Variants in KIAA2012 observed in about 807,000 individuals in gnomAD.
KIAA2012 encodes the protein KIAA2012.
Under a neutral mutation model 150.6 loss-of-function variants are expected in KIAA2012, and 125 were observed. That is an observed-to-expected ratio of 0.83 (90% confidence interval 0.72 to 0.96). The LOEUF (loss-of-function observed/expected upper bound fraction) is 0.96, where lower values mean the gene tolerates loss of function less well. Among genes scored for constraint, KIAA2012 ranks in the 40% least tolerant of loss-of-function variants. The pLI is 0.00. For synonymous variants in KIAA2012, 462 were observed against 504.7 expected, an observed-to-expected ratio of 0.92 and a Z score of 1.13; for missense variants, 1,219 against 1,354.9, an observed-to-expected ratio of 0.90 and a Z score of 1.57.
At chr2:202,164,124 A>G (rs1042982408) in intron 14 of KIAA2012, among the ~76,000 whole-genome samples, 1 of 152,094 alleles carries the variant, frequency 6.6e-6, no homozygotes, top group African/African-American at 2.4e-5. Flanking sequence ...CCTTCATGCC[A>G]GATTCCAGCT....
rs1386050665 is a variant in KIAA2012, at chr2:202,105,860, TAAC to T, written c.1426_1428del (p.Thr476del). 3.9e-6 allele frequency: 6 copies of T among 1,550,748 alleles called. No individual in the cohort carries two copies. The South Asian group carries it at 7.1e-5, about 18-fold the overall frequency. On this transcript the variant is annotated inframe_deletion, in exon 9 of 24. Coordinates refer to ENST00000498697, the MANE Select transcript of KIAA2012 (RefSeq NM_001277372.4). Reference sequence around the variant, plus strand: ...GCGTCCTTAGAAACACCATGGGAGTTAACAGTGCATCTCCCAGTGGACGCGAGC... The same window carrying T: ...GCGTCCTTAGAAACACCATGGGAGTTAGTGCATCTCCCAGTGGACGCGAGC...
intron 14 of KIAA2012, among the ~76,000 whole-genome samples, chr2:202,161,167 T>C (rs1488338574): frequency 6.6e-6 from 1 of 152,170 alleles, no homozygotes; most frequent in Non-Finnish European, 1.5e-5. Context: ...AGTGTAGTAG[T>C]TAGGACTTGA....
intron 15 of KIAA2012, among the ~76,000 whole-genome samples, chr2:202,180,256 A>G (rs1165912639): frequency 7.0e-6 from 1 of 142,106 alleles, no homozygotes; most frequent in Non-Finnish European, 1.5e-5. Context: ...AGGCCAAAAG[A>G]GTGAAACTCC....
In KIAA2012 at chr2:202,147,802, TTG is replaced by T. The variant is rs1691332268; in HGVS notation, c.1909-6868_1909-6867del. 3.3e-5 allele frequency among the ~76,000 whole-genome samples: 5 copies of T among 152,260 alleles called. No homozygotes were observed. In the South Asian group the frequency reaches 1.0e-3, roughly 32 times the overall value. On this transcript the variant is annotated intron_variant, in intron 13 of 23. Coordinates refer to ENST00000498697, the MANE Select transcript of KIAA2012 (RefSeq NM_001277372.4). Reference sequence around the variant, plus strand: ...GAAGTCACACAGTTTTGAGTTCAAGTTGTGAGTTAGAAGGAGCTGGGGAGTTG... The same window carrying T: ...GAAGTCACACAGTTTTGAGTTCAAGTTGAGTTAGAAGGAGCTGGGGAGTTG...
At chr2:202,201,442 C>T (rs1292988703) in intron 22 of KIAA2012, 3 of 1,594,324 alleles carry the variant, frequency 1.9e-6, no homozygotes, top group Non-Finnish European at 2.6e-6. Flanking sequence ...CACTGAGTTA[C>T]GAGGACATTG....
At position 202,099,664 on chromosome 2, in the gene KIAA2012, A is replaced by C. The variant is rs755433756; in HGVS notation, c.880A>C (p.Asn294His). The C allele has an allele frequency of 1.9e-4, 301 of 1,550,368 alleles. No homozygotes were observed. The highest frequency in any genetic ancestry group is 2.4e-4 in the Non-Finnish European group (275 of 1,146,922). ...LCLYASKESY[N>H]EKTQQTSRKA... ...TTTATATGCTTCAAAGGAGAGCTAC[A>C]ATGAAAAGACACAGCAAACCTCCAG... The change falls in exon 6 of 24, where the codon AAT becomes CAT. Residue 294 changes from asparagine to histidine, a missense_variant. Transcript: ENST00000498697.
At chr2:202,098,303 T>C (rs999027626) in intron 5 of KIAA2012, among the ~76,000 whole-genome samples, 1 of 152,216 alleles carries the variant, frequency 6.6e-6, no homozygotes, top group Non-Finnish European at 1.5e-5. Flanking sequence ...GAGGTTGTAG[T>C]AAGCCAAGAT....
At chr2:202,196,360 A>G (rs1260777258) in intron 21 of KIAA2012, among the ~76,000 whole-genome samples, 1 of 151,300 alleles carries the variant, frequency 6.6e-6, no homozygotes, top group Non-Finnish European at 1.5e-5. Flanking sequence ...ACGCCCCGCT[A>G]ATTTTTTTGT....
In KIAA2012 at chr2:202,192,187, A is replaced by G. The variant is rs574879917; in HGVS notation, c.2812-1114A>G. 4.6e-5 allele frequency among the ~76,000 whole-genome samples: 7 copies of G among 152,270 alleles called. No individual in the cohort carries two copies. The East Asian group carries it at 7.7e-4, about 17-fold the overall frequency. On this transcript the variant is annotated intron_variant, in intron 19 of 23. Coordinates refer to ENST00000498697, the MANE Select transcript of KIAA2012 (RefSeq NM_001277372.4). ...TCAGCATTTCTTAGATTTATTGTCA[A>G]TCCATAATACTATGCTGCCTCTGCA...
In KIAA2012 at chr2:202,074,873, G is replaced by A; in HGVS notation, c.85-18G>A. ...TCTTCCACAGTGGCTCCGTCAAAGT[G>A]GCTGCTTCTCATTGCAGGATTACTT... On this transcript the variant is annotated intron_variant, in intron 1 of 23. Transcript: ENST00000498697. 1 of 1,532,084 alleles carries A rather than the reference G, an allele frequency of 6.5e-7. No homozygotes were observed. The highest frequency in any genetic ancestry group is 8.8e-7 in the Non-Finnish European group (1 of 1,140,330). The allele number at this position is 1,532,084 out of a possible 1,614,324, so 94.9% of individuals were successfully genotyped here.
chr2:202,196,759 AAATG>A, intron 21 of KIAA2012, 37 bp from the exon 22 acceptor site: 1 of 1,524,378 alleles, frequency 6.6e-7, no homozygotes, highest in Non-Finnish European at 8.8e-7. Context: ...TTTTCCCTAA[AAATG>A]ATCCCTGCTG....
intron 2 of KIAA2012, 144 bp downstream of exon 2, chr2:202,075,319 A>T: frequency 1.3e-5 from 12 of 958,810 alleles, no homozygotes; most frequent in South Asian, 3.6e-5. Flanking sequence ...AATGAGATTG[A>T]CTGTACTCTT....
chr2:202,118,599 TC>T (rs1018561083), intron 11 of KIAA2012, among the ~76,000 whole-genome samples: 1 of 120,472 alleles, frequency 8.3e-6, no homozygotes, highest in Non-Finnish European at 2.0e-5. Context: ...TTGGGCAGTT[TC>T]TGTTCTGGGC....
intron 15 of KIAA2012, among the ~76,000 whole-genome samples, chr2:202,173,093 C>A (rs1691926341): frequency 1.3e-5 from 2 of 152,192 alleles, no homozygotes; most frequent in Non-Finnish European, 2.9e-5. Flanking sequence ...CTGGTTTACT[C>A]CTACACAGCC....
intron 22 of KIAA2012, among the ~76,000 whole-genome samples, chr2:202,202,089 C>A (rs1692541347): frequency 1.3e-5 from 2 of 152,192 alleles, no homozygotes; most frequent in South Asian, 4.1e-4. Context: ...AACACCTGGC[C>A]TATCTGCCTG....
rs1400879926 is a variant in KIAA2012, at chr2:202,190,249, A to G, written c.2567A>G (p.Glu856Gly). The G allele has an allele frequency of 1.6e-5, 25 of 1,548,832 alleles. No homozygotes were observed. Among genetic ancestry groups the G allele is most frequent in the East Asian group, 9.8e-5 (4 of 40,942 alleles). The change falls in exon 19 of 24, where the codon GAA (glutamate) becomes GGA (glycine). Residue 856 changes from glutamate (E) to glycine (G), a missense_variant. Physicochemically the swap from Glu to Gly is moderately conservative, Grantham distance 98. Coordinates refer to ENST00000498697, the MANE Select transcript of KIAA2012 (RefSeq NM_001277372.4). ...CCCCAAAGGAAAAGGACACAGAAGG[A>G]AAGAAATCTGGAGATAGCGGCAGAG... The part of the protein sequence containing the change: ...TRPQRKRTQK[E>G]RNLEIAAELS...
At chr2:202,121,813 C>A (rs1422502761) in intron 11 of KIAA2012, among the ~76,000 whole-genome samples, 2 of 152,082 alleles carry the variant, frequency 1.3e-5, no homozygotes, top group Admixed American at 6.6e-5. Flanking sequence ...AGTAACTGTA[C>A]CACAAGGCAG....
rs568051315 is a variant in KIAA2012, at chr2:202,097,523, T to G, written c.774T>G (p.Thr258=). The change falls in exon 5 of 24, where the codon ACT becomes ACG. Residue 258 remains threonine, a synonymous_variant. Coordinates refer to ENST00000498697, the MANE Select transcript of KIAA2012 (RefSeq NM_001277372.4). ...CCAAGAACCATGGCAGTCAGGGGAC[T>G]CGCTTGCCACCACGCAGGAAGCAGC... ...PLAKNHGSQG[T]RLPPRRKQPW... is the part of the protein sequence containing the mutation. The G allele has an allele frequency of 6.5e-7, 1 of 1,549,948 alleles. No homozygotes were observed. Among genetic ancestry groups the G allele is most frequent in the African/African-American group, 1.4e-5 (1 of 72,906 alleles).
chr2:202,167,684 T>A (rs1049680924), intron 15 of KIAA2012, among the ~76,000 whole-genome samples: 6 of 151,452 alleles, frequency 4.0e-5, no homozygotes, highest in African/African-American at 7.3e-5. Flanking sequence ...CCTCTAAAAA[T>A]TTTTTTTTAA....
Sources: gnomAD v4.1 joint callset for allele counts (sites outside exome capture counted in the v4.1 genomes callset) on GRCh38, gnomAD v4.1.1 for gene constraint, MANE v1.5 for transcripts, NCBI Gene and HGNC (gene_info 2026-07-23, HGNC 2026-07-21) for gene names.